The following ZNF804A variants were observed in gnomAD, a reference collection of about 807,000 sequenced individuals.
ZNF804A encodes zinc finger protein 804A.
In ZNF804A, 2 loss-of-function variants were observed where a neutral mutation model predicts 16.5. That is an observed-to-expected ratio of 0.12 (90% CI 0.05 to 0.38). ZNF804A has a LOEUF of 0.38. ZNF804A is among the 10% of genes least tolerant of loss of function. ZNF804A has a pLI of 0.99. For missense variants in ZNF804A, 1,473 were observed against 1,390.7 expected (o/e 1.06, Z -0.94); for synonymous variants, 534 against 489.6 (o/e 1.09, Z -1.20).
chr2:184,652,567 C>G (rs529950417), intron 1 of ZNF804A, among the ~76,000 whole-genome samples: 3 of 152,002 alleles, frequency 2.0e-5, no homozygotes, highest in South Asian at 2.1e-4. Context: ...TTGGCTAATT[C>G]CTAGGGCAGT....
intron 1 of ZNF804A, among the ~76,000 whole-genome samples, chr2:184,799,147 A>T (rs1034540642): frequency 6.6e-6 from 1 of 152,040 alleles, no homozygotes; most frequent in Non-Finnish European, 1.5e-5. Flanking sequence ...GGAGCACTCT[A>T]GAGGGTCTGT....
chr2:184,787,658 G>C (rs1010773019), intron 1 of ZNF804A, among the ~76,000 whole-genome samples: 3 of 151,798 alleles, frequency 2.0e-5, no homozygotes, highest in Non-Finnish European at 4.4e-5. Context: ...TTCTTCTTTT[G>C]AGAGATATCT....
intron 1 of ZNF804A, among the ~76,000 whole-genome samples, chr2:184,728,179 T>G (rs1266084780): frequency 6.6e-6 from 1 of 151,750 alleles, no homozygotes. Flanking sequence ...ACATAATGCA[T>G]TAAATCACCA....
chr2:184,798,760 A>G (rs1261861172), intron 1 of ZNF804A, among the ~76,000 whole-genome samples: 4 of 152,142 alleles, frequency 2.6e-5, no homozygotes, highest in African/African-American at 9.7e-5. Flanking sequence ...CTTGGTTTGG[A>G]TCCATTGCTG....
chr2:184,891,193 G>C (rs902104808), intron 2 of ZNF804A, among the ~76,000 whole-genome samples: 1 of 152,126 alleles, frequency 6.6e-6, no homozygotes, highest in Non-Finnish European at 1.5e-5. Context: ...GTCCCACTAT[G>C]GTTGTCAGCA....
chr2:184,735,076 T>A (rs1048436058), intron 1 of ZNF804A, among the ~76,000 whole-genome samples: 1 of 152,170 alleles, frequency 6.6e-6, no homozygotes, highest in Non-Finnish European at 1.5e-5. Flanking sequence ...TGCTTCTAGA[T>A]AACATGTAGT....
At chr2:184,863,553 T>TC (rs1695830794) in intron 1 of ZNF804A, among the ~76,000 whole-genome samples, 1 of 135,302 alleles carries the variant, frequency 7.4e-6, no homozygotes, top group African/African-American at 3.2e-5. Flanking sequence ...ATCAAACTTA[T>TC]TAAAAAAAAA....
chr2:184,649,130 C>G (rs143170817), intron 1 of ZNF804A, among the ~76,000 whole-genome samples: 1 of 152,124 alleles, frequency 6.6e-6, no homozygotes, highest in Admixed American at 6.5e-5. Flanking sequence ...ACCAAGATCT[C>G]TCAAAACCGT....
chr2:184,920,950 T>A (rs1685520169), intron 2 of ZNF804A, among the ~76,000 whole-genome samples: 1 of 152,198 alleles, frequency 6.6e-6, no homozygotes, highest in African/African-American at 2.4e-5. Flanking sequence ...ATGGAATAAA[T>A]GTGGGCTAAG....
intron 1 of ZNF804A, among the ~76,000 whole-genome samples, chr2:184,643,207 T>C (rs1373903270): frequency 1.1e-4 from 16 of 152,038 alleles, no homozygotes; most frequent in Non-Finnish European, 2.9e-5. Flanking sequence ...TTTTTATTTG[T>C]TTTCTTTCTG....
intron 2 of ZNF804A, among the ~76,000 whole-genome samples, chr2:184,918,108 C>T (rs1043143625): frequency 2.6e-5 from 4 of 152,022 alleles, no homozygotes; most frequent in African/African-American, 9.7e-5. Flanking sequence ...TATGGGATGT[C>T]CTGTATTCCA....
At chr2:184,773,042 A>G (rs1164738966) in intron 1 of ZNF804A, among the ~76,000 whole-genome samples, 1 of 149,086 alleles carries the variant, frequency 6.7e-6, no homozygotes, top group Admixed American at 6.7e-5. Flanking sequence ...ATGTGTATAT[A>G]TATATTTTTT....
intron 1 of ZNF804A, among the ~76,000 whole-genome samples, chr2:184,604,259 C>T (rs1175049785): frequency 6.7e-6 from 1 of 148,382 alleles, no homozygotes; most frequent in African/African-American, 2.5e-5. Flanking sequence ...CAAGCTCCGC[C>T]TCCCGGGTTC....
At position 184,712,470 on chromosome 2, in the gene ZNF804A, TG is replaced by T. The variant is rs1190837867; in HGVS notation, c.111+113401del. On this transcript the variant is annotated intron_variant, in intron 1 of 3. Transcript: ENST00000302277. Reference sequence around the variant, plus strand: ...TTCAAAATTATCTCTTTGTCTTTAATGTCGACACGTTGGCTGTAATGAGTCT... The same window carrying T: ...TTCAAAATTATCTCTTTGTCTTTAATTCGACACGTTGGCTGTAATGAGTCT... 1.1e-4 allele frequency among the ~76,000 whole-genome samples: 16 copies of T among 151,932 alleles called. No individual in the cohort carries two copies. The East Asian group carries it at 3.1e-3, about 29-fold the overall frequency.
intron 1 of ZNF804A, among the ~76,000 whole-genome samples, chr2:184,681,118 C>A (rs937095518): frequency 2.6e-5 from 4 of 152,154 alleles, no homozygotes; most frequent in Admixed American, 6.5e-5. Context: ...AGATCCAGGG[C>A]AGTAGCACAA....
At chr2:184,699,598 G>A (rs897024926) in intron 1 of ZNF804A, among the ~76,000 whole-genome samples, 8 of 151,928 alleles carry the variant, frequency 5.3e-5, no homozygotes, top group Non-Finnish European at 8.8e-5. Context: ...GGTATGTCAG[G>A]GTAACCAAAA....
At chr2:184,792,901 T>A (rs776453714) in intron 1 of ZNF804A, among the ~76,000 whole-genome samples, 10 of 152,020 alleles carry the variant, frequency 6.6e-5, no homozygotes, top group Non-Finnish European at 1.3e-4. Flanking sequence ...ACCCAATAGG[T>A]AGTTTTTAAC....
At chr2:184,708,272 TC>T (rs1278037286) in intron 1 of ZNF804A, among the ~76,000 whole-genome samples, 1 of 152,092 alleles carries the variant, frequency 6.6e-6, no homozygotes, top group African/African-American at 2.4e-5. Flanking sequence ...TTTAATTAGG[TC>T]CCGCTTGTCA....
chr2:184,779,179 G>A (rs1220294355), intron 1 of ZNF804A, among the ~76,000 whole-genome samples: 4 of 151,630 alleles, frequency 2.6e-5, no homozygotes, highest in Non-Finnish European at 4.4e-5. Flanking sequence ...GCTGCCAACT[G>A]TAGTTGTACA....
Sources: allele counts gnomAD v4.1 joint callset (sites outside exome capture counted in the v4.1 genomes callset), GRCh38; gene constraint gnomAD v4.1.1; transcripts MANE v1.5; gene names NCBI Gene and HGNC (gene_info 2026-07-23, HGNC 2026-07-21).